Variants in TRHDE observed in about 807,000 individuals in gnomAD.
The protein encoded by TRHDE is thyrotropin-releasing hormone-degrading ectoenzyme.
Under a neutral mutation model 125.7 loss-of-function variants are expected in TRHDE, and 72 were observed. That is an observed-to-expected ratio of 0.57 (90% CI 0.47 to 0.70). The LOEUF (loss-of-function observed/expected upper bound fraction) is 0.70, where lower values mean the gene tolerates loss of function less well. Ranked by LOEUF, TRHDE falls within the 30% of genes least tolerant of loss-of-function variation. The probability of loss-of-function intolerance (pLI) is 0.00; values close to 1 mark genes in which losing one functional copy is unlikely to be tolerated. For missense variants in TRHDE, 1,110 were observed against 1,327.1 expected (o/e 0.84, Z 2.54); for synonymous variants, 509 against 509.1 (o/e 1.00, Z 0.00).
chr12:72,385,746 A>G (rs868725535), intron 3 of TRHDE, among the ~76,000 whole-genome samples: 6 of 152,138 alleles, frequency 3.9e-5, no homozygotes, highest in African/African-American at 1.4e-4. Flanking sequence ...TAGCTATTAC[A>G]TGCTGTATAC....
chr12:72,425,235 T>C (rs1874134150), intron 3 of TRHDE, among the ~76,000 whole-genome samples: 1 of 152,200 alleles, frequency 6.6e-6, no homozygotes, highest in African/African-American at 2.4e-5. Context: ...ATGATTTTCC[T>C]TGGAAAACTA....
At chr12:72,235,756 G>T (rs1477467605) in intron 2 of TRHDE, among the ~76,000 whole-genome samples, 2 of 150,374 alleles carry the variant, frequency 1.3e-5, no homozygotes, top group Admixed American at 6.6e-5. Flanking sequence ...TTCTCAGGCA[G>T]ATCATCAGAG....
At chr12:72,530,421 T>TTTC (rs1868486332) in intron 6 of TRHDE, among the ~76,000 whole-genome samples, 1 of 143,832 alleles carries the variant, frequency 7.0e-6, no homozygotes, top group African/African-American at 2.7e-5. Context: ...AGAAGCTTTT[T>TTTC]TTTTTTTTTT....
chr12:72,173,997 A>AC (rs1430194298), intron 2 of TRHDE, among the ~76,000 whole-genome samples: 1 of 152,214 alleles, frequency 6.6e-6, no homozygotes, highest in Non-Finnish European at 1.5e-5. Flanking sequence ...TATCAAGAGA[A>AC]CCGGTCTATT....
At chr12:72,303,941 T>C (rs1868298585) in intron 2 of TRHDE, among the ~76,000 whole-genome samples, 1 of 152,158 alleles carries the variant, frequency 6.6e-6, no homozygotes, top group Non-Finnish European at 1.5e-5. Flanking sequence ...CAGACAGTTG[T>C]TGAACACGGA....
intron 5 of TRHDE, among the ~76,000 whole-genome samples, chr12:72,498,730 T>G (rs1878020100): frequency 6.6e-6 from 1 of 152,164 alleles, no homozygotes; most frequent in South Asian, 2.1e-4. Flanking sequence ...TTTTTTAACA[T>G]AGCAAATCAG....
intron 6 of TRHDE, among the ~76,000 whole-genome samples, chr12:72,540,929 G>A (rs559127983): frequency 2.6e-4 from 40 of 151,716 alleles, no homozygotes; most frequent in African/African-American, 9.6e-4. Flanking sequence ...CAATTTTGGT[G>A]GTGGTTGAAA....
intron 12 of TRHDE, among the ~76,000 whole-genome samples, chr12:72,609,970 C>A (rs144655169): frequency 6.6e-6 from 1 of 152,164 alleles, no homozygotes. Flanking sequence ...TCCATACTAC[C>A]TTTAAGAGTT....
At chr12:72,192,220 G>A (rs1282305551) in intron 2 of TRHDE, among the ~76,000 whole-genome samples, 4 of 152,080 alleles carry the variant, frequency 2.6e-5, no homozygotes, top group African/African-American at 4.8e-5. Context: ...TTCTGAAACT[G>A]GGGACTCACT....
chr12:72,621,301 T>C lies in TRHDE; in HGVS notation c.2567+96T>C, dbSNP rs535007307. ...TGACTTTAGCTGCATGAGACAATCTTCCTTTCATTCTTCATCTTACATTTC... is the reference window on the plus strand; with the variant it reads ...TGACTTTAGCTGCATGAGACAATCTCCCTTTCATTCTTCATCTTACATTTC... On this transcript the variant is annotated intron_variant, in intron 14 of 18. Transcript: ENST00000261180. The C allele has an allele frequency of 5.0e-6, 4 of 801,720 alleles. No homozygotes were observed. In the African/African-American group the frequency reaches 5.3e-5, roughly 11 times the overall value. 49.7% of individuals were successfully genotyped at this position (801,720 alleles called of 1,614,324 possible).
intron 12 of TRHDE, among the ~76,000 whole-genome samples, chr12:72,586,526 G>A (rs985820582): frequency 3.9e-5 from 6 of 152,144 alleles, no homozygotes; most frequent in South Asian, 2.1e-4. Context: ...CTATGTCAAC[G>A]CTTGCTTAAT....
intron 3 of TRHDE, among the ~76,000 whole-genome samples, chr12:72,450,008 T>A (rs1170969276): frequency 6.6e-6 from 1 of 151,968 alleles, no homozygotes; most frequent in African/African-American, 2.4e-5. Flanking sequence ...TGCTTCTTTG[T>A]TGAGTTTCTC....
intron 2 of TRHDE, among the ~76,000 whole-genome samples, chr12:72,144,596 CCAT>C (rs1876186712): frequency 6.6e-6 from 1 of 152,124 alleles, no homozygotes; most frequent in African/African-American, 2.4e-5. Context: ...TAAATGCTCA[CCAT>C]CAAGATTTTC....
intron 2 of TRHDE, among the ~76,000 whole-genome samples, chr12:72,330,321 A>G (rs543479889): frequency 5.2e-4 from 73 of 140,420 alleles, no homozygotes; most frequent in African/African-American, 2.0e-3. Context: ...AAATAAAGGC[A>G]AAGAAAAGTA....
At chr12:72,377,703 G>A (rs146902945) in intron 2 of TRHDE, among the ~76,000 whole-genome samples, 41 of 152,206 alleles carry the variant, frequency 2.7e-4, no homozygotes, top group African/African-American at 9.6e-4. Context: ...TCTCTAGCAA[G>A]CACATGTAAG....
At chr12:72,242,060 A>G (rs958393400) in intron 2 of TRHDE, among the ~76,000 whole-genome samples, 1 of 148,882 alleles carries the variant, frequency 6.7e-6, no homozygotes, top group Non-Finnish European at 1.5e-5. Flanking sequence ...TGTCAGATGT[A>G]TAATTTAAAT....
In TRHDE at chr12:72,272,861, G is replaced by T; in HGVS notation, c.218G>T (p.Arg73Leu). 2.5e-6 allele frequency: 4 copies of T among 1,579,964 alleles called. No homozygotes were observed. The highest frequency in any genetic ancestry group is 3.4e-6 in the Non-Finnish European group (4 of 1,171,080). ...GCAGACTCAGTGGGAGTGCGACCCCGCACCACGGAGCGCCACATCGCCGTA... is the reference window on the plus strand; with the variant it reads ...GCAGACTCAGTGGGAGTGCGACCCCTCACCACGGAGCGCCACATCGCCGTA... ...PWADSVGVRPRTTERHIAVHK... is the reference protein window; with the variant it reads ...PWADSVGVRPLTTERHIAVHK... The change falls in exon 1 of 19, where the codon CGC becomes CTC. Residue 73 changes from arginine (R) to leucine (L), a missense_variant. Physicochemically the swap from Arg to Leu is moderately radical, Grantham distance 102. Transcript: ENST00000261180. This position sits in a 1 kb window ranked among gnomAD's most constrained non-coding sequence, Gnocchi z 6.7.
intron 2 of TRHDE, among the ~76,000 whole-genome samples, chr12:72,249,684 T>C (rs1222426621): frequency 6.6e-6 from 1 of 152,184 alleles, no homozygotes; most frequent in Admixed American, 6.5e-5. Flanking sequence ...CTAACTCTCA[T>C]GTGTTGTTGA....
chr12:72,462,732 A>T (rs1233671244), intron 3 of TRHDE, among the ~76,000 whole-genome samples: 2 of 152,172 alleles, frequency 1.3e-5, no homozygotes, highest in Non-Finnish European at 2.9e-5. Flanking sequence ...TTCTGCCTCC[A>T]ACTCTGTTAT....
Sources: allele counts gnomAD v4.1 joint callset (sites outside exome capture counted in the v4.1 genomes callset), GRCh38; gene constraint gnomAD v4.1.1; non-coding constraint Gnocchi (gnomAD v3.1); transcripts MANE v1.5; gene names NCBI Gene and HGNC (gene_info 2026-07-23, HGNC 2026-07-21).